The following RAB11FIP3 variants were observed in gnomAD, a reference collection of about 807,000 sequenced individuals.
RAB11FIP3 encodes the protein rab11 family-interacting protein 3.
Under a neutral mutation model 77.8 loss-of-function variants are expected in RAB11FIP3, and 17 were observed. That is an observed-to-expected ratio of 0.22 (90% CI 0.15 to 0.33). The LOEUF (loss-of-function observed/expected upper bound fraction) is 0.33, where lower values mean the gene tolerates loss of function less well. Among genes scored for constraint, RAB11FIP3 ranks in the 10% least tolerant of loss-of-function variants. RAB11FIP3 has a pLI of 1.00. For missense variants in RAB11FIP3, 1,005 were observed against 1,011.2 expected, an observed-to-expected ratio of 0.99 and a Z score of 0.08; for synonymous variants, 437 against 448.2, an observed-to-expected ratio of 0.98 and a Z score of 0.31.
chr16:510,856 G>T (rs531247298), intron 9 of RAB11FIP3, 56 bp downstream of exon 9: 2 of 1,577,214 alleles, frequency 1.3e-6, no homozygotes, highest in Non-Finnish European at 8.6e-7. Context: ...GGTAGGAGAC[G>T]GTCCCCAACA....
In RAB11FIP3 at chr16:459,557, C is replaced by G. The variant is rs536668762; in HGVS notation, c.715-1847C>G. Among the ~76,000 whole-genome samples, 22 of 152,090 alleles carry G rather than the reference C, an allele frequency of 1.4e-4. No individual in the cohort carries two copies. In the East Asian group the frequency reaches 4.3e-3, roughly 29 times the overall value. On this transcript the variant is annotated intron_variant, in intron 1 of 13. Coordinates refer to ENST00000262305, the MANE Select transcript of RAB11FIP3 (RefSeq NM_014700.4). ...GTTCAAGCGATTCTCCAGCTTCAGCCTCCTGAGTAGCTGGGATTACAGGCG... is the reference window on the plus strand; with the variant it reads ...GTTCAAGCGATTCTCCAGCTTCAGCGTCCTGAGTAGCTGGGATTACAGGCG...
chr16:426,457 A>C lies in RAB11FIP3; in HGVS notation c.451A>C (p.Ser151Arg). Residue 151 changes from serine to arginine, a missense_variant, in exon 1 of 14, where the codon AGC (serine) becomes CGC (arginine). Physicochemically the swap from Ser to Arg is moderately radical, Grantham distance 110. Around this residue, in one of 4 missense-constraint regions of RAB11FIP3, gnomAD observed 466 missense variants for 408.3 expected, o/e 1.14. Transcript: ENST00000262305. The surrounding 1 kb of genome is among the most constrained non-coding windows in gnomAD (Gnocchi z 5.0). ...TTTCCGCTTGCAGGGGTCCAGCAGC[A>C]GCCACCGAGCGCGGGGCGAGGTCGA... ...APFRLQGSSSSHRARGEVDVF... is the reference protein window; with the variant it reads ...APFRLQGSSSRHRARGEVDVF... 6.3e-7 allele frequency: 1 copy of C among 1,583,702 alleles called. No individual in the cohort carries two copies. The highest frequency in any genetic ancestry group is 1.1e-5 in the South Asian group (1 of 87,232).
chr16:511,416 A>C (rs988371903), intron 9 of RAB11FIP3, among the ~76,000 whole-genome samples: 1 of 128,086 alleles, frequency 7.8e-6, no homozygotes, highest in Non-Finnish European at 1.6e-5. Context: ...CAACCCCAGA[A>C]CCTGCAGGCC....
chr16:513,391 T>G (rs1452554803), intron 9 of RAB11FIP3, among the ~76,000 whole-genome samples: 1 of 151,528 alleles, frequency 6.6e-6, no homozygotes, highest in Non-Finnish European at 1.5e-5. Flanking sequence ...GGCTAACTTT[T>G]CTTTTTTGGT....
intron 6 of RAB11FIP3, 106 bp downstream of exon 6, chr16:496,965 C>T (rs1461889559): frequency 1.6e-6 from 2 of 1,276,108 alleles, no homozygotes. Context: ...ATTTTTTAAA[C>T]TCTTGCAAGT....
intron 3 of RAB11FIP3, among the ~76,000 whole-genome samples, chr16:478,830 G>A (rs926835450): frequency 6.6e-6 from 1 of 152,158 alleles, no homozygotes; most frequent in South Asian, 2.1e-4. Context: ...GCTGGGCACA[G>A]TGGTGCATGC....
At chr16:464,346 C>T (rs117356852) in intron 2 of RAB11FIP3, among the ~76,000 whole-genome samples, 3,993 of 152,282 alleles carry the variant, frequency 0.026, 76 homozygotes, top group Non-Finnish European at 0.04. Context: ...ATTTATTTAA[C>T]GTTTGTCCTT....
intron 2 of RAB11FIP3, among the ~76,000 whole-genome samples, chr16:463,403 G>C (rs1188457016): frequency 6.6e-6 from 1 of 151,270 alleles, no homozygotes. Context: ...GATGGCTCTG[G>C]GGAAACGTGC....
In RAB11FIP3 at chr16:480,585, C is replaced by T. The variant is rs546295968; in HGVS notation, c.904-1940C>T. Among the ~76,000 whole-genome samples, 5 of 152,164 alleles carry T rather than the reference C, an allele frequency of 3.3e-5. No homozygotes were observed. The East Asian group carries it at 5.8e-4, about 18-fold the overall frequency. On this transcript the variant is annotated intron_variant, in intron 3 of 13. Coordinates refer to ENST00000262305, the MANE Select transcript of RAB11FIP3 (RefSeq NM_014700.4). ...CGTGATCTCAATTCACTGCAACCTC[C>T]ACCTCCCGGGTTCAAGCGATTCTTC...
Position 519,044 on chromosome 16 carries a change from G to A in RAB11FIP3, c.1722+20G>A, listed in dbSNP as rs2032550844. The stretch of plus-strand genomic sequence containing the variant: ...GAGGAGGTGAGCTGCCAACAGCCTG[G>A]AGCTGTGGCCAGTGGGGCCAGCCCA... On this transcript the variant is annotated intron_variant, in intron 10 of 13. Transcript: ENST00000262305. 2 of 1,612,224 alleles carry A rather than the reference G, an allele frequency of 1.2e-6. No individual in the cohort carries two copies. The highest frequency in any genetic ancestry group is 1.7e-5 in the Admixed American group (1 of 60,008).
chr16:520,775 A>G lies in RAB11FIP3; in HGVS notation c.2207A>G (p.Asp736Gly). The stretch of plus-strand genomic sequence containing the variant: ...GAGGAGATCAACTTCCGCCTGCAGG[A>G]CTACATCGACAGGATCATCGTGGCC... Reference protein sequence around the residue: ...KQEEINFRLQDYIDRIIVAIM... With the variant: ...KQEEINFRLQGYIDRIIVAIM... The change falls in exon 14 of 14, where the codon GAC becomes GGC. Residue 736 changes from aspartate to glycine, a missense_variant. Coordinates refer to ENST00000262305, the MANE Select transcript of RAB11FIP3 (RefSeq NM_014700.4). 1 of 1,613,832 alleles carries G rather than the reference A, an allele frequency of 6.2e-7. No individual in the cohort carries two copies. The highest frequency in any genetic ancestry group is 8.5e-7 in the Non-Finnish European group (1 of 1,180,022).
chr16:489,445 G>T (rs1446374361), intron 5 of RAB11FIP3, among the ~76,000 whole-genome samples: 1 of 152,224 alleles, frequency 6.6e-6, no homozygotes, highest in Non-Finnish European at 1.5e-5. Context: ...CAGTGGGCGA[G>T]ATGCCCACTC....
chr16:503,229 C>T, intron 7 of RAB11FIP3, 132 bp downstream of exon 7: 1 of 655,050 alleles, frequency 1.5e-6, no homozygotes, highest in Non-Finnish European at 2.6e-6. Flanking sequence ...CAGGGCTCCC[C>T]AGACTGTCCA....
At position 437,718 on chromosome 16, in the gene RAB11FIP3, C is replaced by T. The variant is rs145820370; in HGVS notation, c.714+10998C>T. ...CAGAACATCACTGTGCAGCCACGAG[C>T]GCGCAAGACTGTTATGTCATTTAAT... On this transcript the variant is annotated intron_variant, in intron 1 of 13. Coordinates refer to ENST00000262305, the MANE Select transcript of RAB11FIP3 (RefSeq NM_014700.4). Among the ~76,000 whole-genome samples, 53 of 152,192 alleles carry T rather than the reference C, an allele frequency of 3.5e-4. 1 individual carries two copies. Among genetic ancestry groups the T allele is most frequent in the Non-Finnish European group, 5.1e-4 (35 of 68,022 alleles).
intron 5 of RAB11FIP3, among the ~76,000 whole-genome samples, chr16:496,490 G>A (rs1312699347): frequency 1.3e-5 from 2 of 152,226 alleles, no homozygotes; most frequent in African/African-American, 4.8e-5. Flanking sequence ...AGCGTTTGGG[G>A]GTAATTTGGC....
chr16:483,810 A>G (rs1310221674), intron 4 of RAB11FIP3, among the ~76,000 whole-genome samples: 1 of 151,738 alleles, frequency 6.6e-6, no homozygotes, highest in African/African-American at 2.4e-5. Flanking sequence ...ATTCCTTTCT[A>G]TTGATTCCAA....
chr16:476,797 G>T (rs1022674219), intron 3 of RAB11FIP3, among the ~76,000 whole-genome samples: 8 of 145,074 alleles, frequency 5.5e-5, no homozygotes, highest in African/African-American at 2.0e-4. Context: ...AAAAAAGAAA[G>T]AAAAAATTTT....
intron 1 of RAB11FIP3, among the ~76,000 whole-genome samples, chr16:431,969 G>C (rs938097111): frequency 2.6e-5 from 4 of 152,016 alleles, no homozygotes; most frequent in Admixed American, 6.6e-5. Flanking sequence ...GTGTTAGCCA[G>C]TATGGTCTTG....
chr16:445,857 G>A (rs2055307526), intron 1 of RAB11FIP3, among the ~76,000 whole-genome samples: 1 of 152,202 alleles, frequency 6.6e-6, no homozygotes, highest in Admixed American at 6.5e-5. Flanking sequence ...CCCTGGGGGA[G>A]GCAGATGGGC....
Sources: gnomAD v4.1 joint callset for allele counts (sites outside exome capture counted in the v4.1 genomes callset) on GRCh38, gnomAD v4.1.1 for gene constraint, gnomAD v4.1.1 regional missense constraint, Gnocchi (gnomAD v3.1) non-coding constraint, MANE v1.5 for transcripts, NCBI Gene and HGNC (gene_info 2026-07-23, HGNC 2026-07-21) for gene names.